The following TNK2 variants were observed in gnomAD, a reference collection of about 807,000 sequenced individuals.
The protein encoded by TNK2 is tyrosine kinase non receptor 2.
TNK2 carries 83 observed loss-of-function variants against 101.8 expected under a neutral mutation model. The observed-to-expected ratio is 0.82, with a 90% CI of 0.68 to 0.98. TNK2 has a LOEUF of 0.98. Among genes scored for constraint, TNK2 ranks in the 50% least tolerant of loss-of-function variants. The pLI is 0.00. For synonymous variants in TNK2, 804 were observed against 633.0 expected (o/e 1.27, Z -4.06); for missense variants, 1,665 against 1,483.2 (o/e 1.12, Z -2.01).
chr3:195,890,792 G>A (rs1392650297), intron 1 of TNK2, among the ~76,000 whole-genome samples: 1 of 152,146 alleles, frequency 6.6e-6, no homozygotes, highest in Admixed American at 6.5e-5. Flanking sequence ...AAGGGAAAAT[G>A]GACTTTGCTT....
At position 195,901,957 on chromosome 3, in the gene TNK2, T is replaced by C. The variant is rs549437332; in HGVS notation, c.-19+6528A>G. 3.9e-4 allele frequency among the ~76,000 whole-genome samples: 60 copies of C among 152,124 alleles called. 1 individual carries two copies. The highest frequency in any genetic ancestry group is 6.9e-4 in the Non-Finnish European group (47 of 68,022). ...ACGCTGAGTGAATGCATGGATTCTG[T>C]GAGGAAGTCTGAAGAAGGGACAGGG... On this transcript the variant is annotated intron_variant, in intron 1 of 15. Transcript: ENST00000672887.
rs899707390 is a variant in TNK2 at position 195,873,829 on chromosome 3, GGCGCGGGGC to G, written c.1257-1368_1257-1360del. Among the ~76,000 whole-genome samples the G allele has an allele frequency of 2.0e-5, 3 of 151,982 alleles. No homozygotes were observed. In the East Asian group the frequency reaches 5.8e-4, roughly 29 times the overall value. On this transcript the variant is annotated intron_variant, in intron 9 of 15. Coordinates refer to ENST00000672887, the MANE Select transcript of TNK2 (RefSeq NM_001382273.1). ...CACCACGGTCGGCGGGGAGGCGGGG[GGCGCGGGGC>G]GCGGGGAGACGGGGCTGTGCTCCCC... is the stretch of plus-strand genomic sequence containing the variant.
rs1371412649 is a variant in TNK2, at chr3:195,867,427, C to T, written c.2871G>A (p.Arg957=). ...CGCCAGGGCAGCCCCTCTGTGGCAG[C>T]CGAGCAGTGGCCCTCGGGGGTGGTG... is the stretch of plus-strand genomic sequence containing the variant. ...ARPPPPRATA[R]LPQRGCPGDG... is the part of the protein sequence containing the mutation. Residue 957 remains arginine (R), a synonymous_variant, in exon 13 of 16, where the codon CGG becomes CGA. Transcript: ENST00000672887. 5 of 1,600,482 alleles carry T rather than the reference C, an allele frequency of 3.1e-6. No homozygotes were observed. The highest frequency in any genetic ancestry group is 1.7e-5 in the Admixed American group (1 of 59,326).
chr3:195,876,606 C>T, intron 9 of TNK2: 1 of 456,334 alleles, frequency 2.2e-6, no homozygotes, highest in Non-Finnish European at 4.4e-6. Context: ...CCCCTCACCT[C>T]CCACCTCCTG....
At position 195,886,974 on chromosome 3, in the gene TNK2, C is replaced by T. The variant is rs943525610; in HGVS notation, c.234+3G>A. Reference sequence around the variant, plus strand: ...CCACCTCCTCACCCACCTCCTCACCCACCTTACTCATCCACGACTTGCGTT... The same window carrying T: ...CCACCTCCTCACCCACCTCCTCACCTACCTTACTCATCCACGACTTGCGTT... On this transcript the variant is annotated splice_donor_region_variant and intron_variant, in intron 3 of 15. Coordinates refer to ENST00000672887, the MANE Select transcript of TNK2 (RefSeq NM_001382273.1). This position sits in a 1 kb window ranked among gnomAD's most constrained non-coding sequence, Gnocchi z 4.2. The T allele has an allele frequency of 6.1e-5, 98 of 1,614,088 alleles. No individual in the cohort carries two copies. Among genetic ancestry groups the T allele is most frequent in the Non-Finnish European group, 8.0e-5 (94 of 1,180,028 alleles).
Position 195,863,867 on chromosome 3 carries a change from G to A in TNK2, c.*314C>T, listed in dbSNP as rs533054278. 133 of 391,060 alleles carry A rather than the reference G, an allele frequency of 3.4e-4. No individual in the cohort carries two copies. Among genetic ancestry groups the A allele is most frequent in the Non-Finnish European group, 5.5e-4 (118 of 216,046 alleles). 24.2% of individuals were successfully genotyped at this position (391,060 alleles called of 1,614,324 possible). A position where few individuals can be genotyped will look rare whatever the true frequency, so the allele number is the denominator to read the frequency against. On this transcript the variant is annotated 3_prime_UTR_variant, in exon 16 of 16. Coordinates refer to ENST00000672887, the MANE Select transcript of TNK2 (RefSeq NM_001382273.1). ...GGGTACTACTCCACCCACAGGCCCCGCCCAGGACCAGGGCCAGAGGCAGGT... is the reference window on the plus strand; with the variant it reads ...GGGTACTACTCCACCCACAGGCCCCACCCAGGACCAGGGCCAGAGGCAGGT...
chr3:195,887,124 G>A, intron 2 of TNK2, 77 bp from the exon 3 acceptor site: 2 of 1,484,450 alleles, frequency 1.3e-6, no homozygotes, highest in Middle Eastern at 1.7e-4. Flanking sequence ...GGTCCCCTTG[G>A]GGGTGAGCCT....
intron 1 of TNK2, chr3:195,892,413 T>G: frequency 6.5e-7 from 1 of 1,532,850 alleles, no homozygotes; most frequent in Non-Finnish European, 8.7e-7. Context: ...CCACTCACTG[T>G]GTACAGGCGT....
intron 2 of TNK2, among the ~76,000 whole-genome samples, chr3:195,887,905 T>G (rs565283432): frequency 7.9e-6 from 1 of 126,150 alleles, no homozygotes; most frequent in African/African-American, 4.7e-5. Flanking sequence ...CATGCGTGTG[T>G]GCACGTGCAT....
At chr3:195,869,935 A>C in intron 11 of TNK2, 179 bp downstream of exon 11, 1 of 573,240 alleles carries the variant, frequency 1.7e-6, no homozygotes, top group Non-Finnish European at 3.1e-6. Context: ...CTCGGCGGAT[A>C]CAGCTGCCTG....
intron 1 of TNK2, among the ~76,000 whole-genome samples, chr3:195,906,471 G>A (rs1208931000): frequency 6.6e-6 from 1 of 152,144 alleles, no homozygotes; most frequent in Non-Finnish European, 1.5e-5. Context: ...CAACCACCTG[G>A]ACAAACTCCA....
intron 10 of TNK2, among the ~76,000 whole-genome samples, chr3:195,871,706 C>T (rs956616355): frequency 6.6e-6 from 1 of 152,208 alleles, no homozygotes; most frequent in African/African-American, 2.4e-5. Flanking sequence ...AAGCTCCTGA[C>T]CCTACTTTCA....
intron 2 of TNK2, among the ~76,000 whole-genome samples, chr3:195,887,877 C>T (rs1057103667): frequency 3.4e-5 from 5 of 146,302 alleles, no homozygotes; most frequent in African/African-American, 7.7e-5. Flanking sequence ...GGCGTGTGAG[C>T]GCGTGCGTAC....
At chr3:195,887,087 C>T (rs761825113) in intron 2 of TNK2, 40 bp from the exon 3 acceptor site, 46 of 1,606,826 alleles carry the variant, frequency 2.9e-5, no homozygotes, top group Non-Finnish European at 3.4e-5. Context: ...TGAAGGCCGC[C>T]GTAGCCCGAG....
chr3:195,897,520 T>C (rs1382825247), intron 1 of TNK2, among the ~76,000 whole-genome samples: 16 of 152,168 alleles, frequency 1.1e-4, no homozygotes, highest in Admixed American at 9.8e-4. Context: ...GTTTGTTTGT[T>C]TGAGATAGGA....
At position 195,907,156 on chromosome 3, in the gene TNK2, A is replaced by G. The variant is rs117543169; in HGVS notation, c.-19+1329T>C. Among the ~76,000 whole-genome samples the G allele has an allele frequency of 7.0e-4, 106 of 152,350 alleles. 1 individual carries two copies. In the East Asian group the frequency reaches 0.015, roughly 22 times the overall value. ...TGAAGATTGTGTGTATGTGTTTAAA[A>G]CAGACCGTTCTCTCCACTGAAGCCA... On this transcript the variant is annotated intron_variant, in intron 1 of 15. Transcript: ENST00000672887.
intron 1 of TNK2, chr3:195,895,293 C>A (rs752309407): frequency 6.4e-7 from 1 of 1,572,936 alleles, no homozygotes; most frequent in African/African-American, 1.4e-5. Flanking sequence ...GCAGATCTCT[C>A]CCCCATGGAG....
intron 10 of TNK2, among the ~76,000 whole-genome samples, chr3:195,871,010 G>GGTGTGTGGGGGCCCGCTGTGTGGGTTCTT (rs1744879523): frequency 6.8e-6 from 1 of 148,010 alleles, no homozygotes; most frequent in Non-Finnish European, 1.5e-5. Flanking sequence ...TGTGGGTTCT[G>GGTGTGTGGGGGCCCGCTGTGTGGGTTCTT]GTGTGTGGGG....
Position 195,868,484 on chromosome 3 carries a change from G to C in TNK2, c.1814C>G (p.Ala605Gly). The C allele has an allele frequency of 6.5e-7, 1 of 1,549,652 alleles. No homozygotes were observed. The highest frequency in any genetic ancestry group is 8.6e-7 in the Non-Finnish European group (1 of 1,159,226). ...GGAGCAGGCGTCCATGGCCAGCTGC[G>C]CCAGGGAGGGCGCGCAGGGCCGTAG... Reference protein sequence around the residue: ...PALRPCAPSLAQLAMDACSLL... With the variant: ...PALRPCAPSLGQLAMDACSLL... Residue 605 changes from alanine to glycine, a missense_variant, in exon 13 of 16, where the codon GCG (alanine) becomes GGG (glycine). By Grantham distance (60) the Ala-to-Gly change is moderately conservative (BLOSUM62 0). Transcript: ENST00000672887.
Sources: allele counts gnomAD v4.1 joint callset (sites outside exome capture counted in the v4.1 genomes callset), GRCh38; gene constraint gnomAD v4.1.1; non-coding constraint Gnocchi (gnomAD v3.1); transcripts MANE v1.5; gene names NCBI Gene and HGNC (gene_info 2026-07-23, HGNC 2026-07-21).